The following TEF variants were observed in gnomAD, a reference collection of about 807,000 sequenced individuals.
TEF encodes the protein thyrotroph embryonic factor.
TEF carries 3 observed loss-of-function variants against 20.8 expected under a neutral mutation model. The ratio of observed to expected loss-of-function variants is 0.14; its 90% confidence interval spans 0.07 to 0.37. The LOEUF is 0.37. TEF is among the 10% of genes least tolerant of loss of function. The pLI is 1.00. For synonymous variants in TEF, 180 were observed against 171.1 expected (o/e 1.05, Z -0.41); for missense variants, 296 against 397.9 (o/e 0.74, Z 2.18).
At chr22:41,372,471 G>T (rs1371124918) in intron 1 of TEF, among the ~76,000 whole-genome samples, 2 of 152,186 alleles carry the variant, frequency 1.3e-5, no homozygotes, top group African/African-American at 2.4e-5. Flanking sequence ...TGCAAGGAAG[G>T]TATGATCATC....
At chr22:41,385,387 C>T (rs1011673341) in intron 1 of TEF, among the ~76,000 whole-genome samples, 1 of 152,028 alleles carries the variant, frequency 6.6e-6, no homozygotes, top group East Asian at 1.9e-4. Flanking sequence ...TATTTCTAAT[C>T]TTCACCAAAG....
chr22:41,387,053 A>T (rs75417008), intron 1 of TEF, among the ~76,000 whole-genome samples: 1,819 of 152,244 alleles, frequency 0.012, 38 homozygotes, highest in African/African-American at 0.042. Context: ...AAAATAATAA[A>T]AACTAAAATA....
upstream of TEF, among the ~76,000 whole-genome samples, chr22:41,379,426 G>A (rs537546225): frequency 6.6e-6 from 1 of 152,260 alleles, no homozygotes; most frequent in African/African-American, 2.4e-5. Context: ...AGAATCGCTT[G>A]AACTCAGGAG....
intron 1 of TEF, among the ~76,000 whole-genome samples, chr22:41,371,793 G>C (rs1601809861): frequency 6.6e-6 from 1 of 152,190 alleles, no homozygotes; most frequent in East Asian, 1.9e-4. Flanking sequence ...ACATGCTGAG[G>C]CTCCTAGAGG....
upstream of TEF, among the ~76,000 whole-genome samples, chr22:41,380,859 G>A (rs957459916): frequency 2.0e-5 from 3 of 152,196 alleles, no homozygotes; most frequent in Non-Finnish European, 2.9e-5. Context: ...TGTCAAGGAG[G>A]TTTTTGTTTT....
chr22:41,377,645 T>C (rs1346627481), upstream of TEF, among the ~76,000 whole-genome samples: 2 of 152,228 alleles, frequency 1.3e-5, no homozygotes, highest in Non-Finnish European at 2.9e-5. Flanking sequence ...ACCTCCAGGA[T>C]GGCACTGTTT....
chr22:41,382,365 G>C (rs1313276995), intron 1 of TEF, among the ~76,000 whole-genome samples, 164 bp downstream of exon 1: 2 of 152,016 alleles, frequency 1.3e-5, no homozygotes, highest in Non-Finnish European at 2.9e-5. Context: ...CCGGGGGGCT[G>C]AGGACAGAGG....
chr22:41,370,760 G>A (rs2036874764), intron 1 of TEF, among the ~76,000 whole-genome samples: 2 of 152,072 alleles, frequency 1.3e-5, no homozygotes, highest in Non-Finnish European at 2.9e-5. Flanking sequence ...CAGACTTGGG[G>A]TCCCTCTCCC....
At chr22:41,373,500 C>T (rs1049894838) in intron 1 of TEF, among the ~76,000 whole-genome samples, 1 of 151,964 alleles carries the variant, frequency 6.6e-6, no homozygotes, top group African/African-American at 2.4e-5. Flanking sequence ...GACGGAGTCT[C>T]ACTCTGTCGC....
intron 1 of TEF, among the ~76,000 whole-genome samples, chr22:41,368,483 C>T (rs73885781): frequency 0.02 from 3,015 of 152,126 alleles, 103 homozygotes; most frequent in African/African-American, 0.069. Flanking sequence ...TGGTTGTCCC[C>T]GCAGGACTCC....
At chr22:41,383,078 C>CT in intron 1 of TEF, 3 of 469,196 alleles carry the variant, frequency 6.4e-6, no homozygotes, top group South Asian at 4.7e-5. Flanking sequence ...CTGAGGTATA[C>CT]TTTGAGTGTG....
intron 1 of TEF, among the ~76,000 whole-genome samples, chr22:41,374,060 C>A (rs373311813): frequency 6.6e-6 from 1 of 152,160 alleles, no homozygotes; most frequent in East Asian, 1.9e-4. Flanking sequence ...CCGCGCCCAG[C>A]CTATATACTG....
At chr22:41,383,742 T>C (rs2037063113) in intron 1 of TEF, among the ~76,000 whole-genome samples, 1 of 152,252 alleles carries the variant, frequency 6.6e-6, no homozygotes, top group Non-Finnish European at 1.5e-5. Flanking sequence ...AAGTATCCTT[T>C]ATTGCTTAGG....
At position 41,396,016 on chromosome 22, in the gene TEF, G is replaced by C; in HGVS notation, c.*56G>C. The C allele has an allele frequency of 6.4e-7, 1 of 1,562,890 alleles. No homozygotes were observed. The highest frequency in any genetic ancestry group is 8.7e-7 in the Non-Finnish European group (1 of 1,144,950). ...CTGCACCTCAGACCTCTGCCTGGGG[G>C]CTCCCTGTAACCCCTCACACGCGTG... On this transcript the variant is annotated 3_prime_UTR_variant, in exon 4 of 4. Coordinates refer to ENST00000266304, the MANE Select transcript of TEF (RefSeq NM_003216.4).
rs1027355581 is a variant in TEF, at chr22:41,398,224, T to G, written c.*2264T>G. On this transcript the variant is annotated 3_prime_UTR_variant, in exon 4 of 4. Coordinates refer to ENST00000266304, the MANE Select transcript of TEF (RefSeq NM_003216.4). ...TCAGGTAAGGTTGTCTCCTCTCCTG[T>G]CCTAAAAAAATCCATGCTTGCAGGA... The G allele has an allele frequency of 6.5e-6, 1 of 153,358 alleles. No individual in the cohort carries two copies. Among genetic ancestry groups the G allele is most frequent in the African/African-American group, 2.4e-5 (1 of 41,356 alleles). 9.5% of individuals were successfully genotyped at this position (153,358 alleles called of 1,614,324 possible).
In TEF at chr22:41,388,699, T is replaced by C. The variant is rs189589751; in HGVS notation, c.475+1031T>C. Among the ~76,000 whole-genome samples, 12 of 152,272 alleles carry C rather than the reference T, an allele frequency of 7.9e-5. No individual in the cohort carries two copies. The East Asian group carries it at 2.3e-3, about 29-fold the overall frequency. The stretch of plus-strand genomic sequence containing the variant: ...TCTGGGGGTTTGTTTTCATGCTCCT[T>C]GGACACGAACCTACCAAAGGAGACA... On this transcript the variant is annotated intron_variant, in intron 2 of 3. Transcript: ENST00000266304.
chr22:41,376,462 AAGT>A (rs1317312320), intron 1 of TEF, among the ~76,000 whole-genome samples: 1 of 152,194 alleles, frequency 6.6e-6, no homozygotes, highest in Non-Finnish European at 1.5e-5. Context: ...TGCTGGCCTT[AAGT>A]GAGCCATCCG....
chr22:41,371,911 T>G (rs1333718716), intron 1 of TEF, among the ~76,000 whole-genome samples: 1 of 152,106 alleles, frequency 6.6e-6, no homozygotes, highest in Non-Finnish European at 1.5e-5. Flanking sequence ...GGGGCCTTGG[T>G]GTCATCCTCT....
rs1007688969 is a variant in TEF, at chr22:41,397,747, A to G, written c.*1787A>G. 6.6e-6 allele frequency: 1 copy of G among 152,250 alleles called. No individual in the cohort carries two copies. The highest frequency in any genetic ancestry group is 6.5e-5 in the Admixed American group (1 of 15,290). 9.4% of individuals were successfully genotyped at this position (152,250 alleles called of 1,614,324 possible). Reference sequence around the variant, plus strand: ...TATTGTAACCACACAGGGCAGGCGCATCCAGCATGTCAGTGTCCTGCCCCG... The same window carrying G: ...TATTGTAACCACACAGGGCAGGCGCGTCCAGCATGTCAGTGTCCTGCCCCG... On this transcript the variant is annotated 3_prime_UTR_variant, in exon 4 of 4. Coordinates refer to ENST00000266304, the MANE Select transcript of TEF (RefSeq NM_003216.4).
Sources: allele counts gnomAD v4.1 joint callset (sites outside exome capture counted in the v4.1 genomes callset), GRCh38; gene constraint gnomAD v4.1.1; transcripts MANE v1.5; gene names NCBI Gene and HGNC (gene_info 2026-07-23, HGNC 2026-07-21).